The following ADAM12 variants were observed in gnomAD, a reference collection of about 807,000 sequenced individuals.
The protein encoded by ADAM12 is ADAM metallopeptidase domain 12.
ADAM12 carries 70 observed loss-of-function variants against 106.4 expected under a neutral mutation model. That is an observed-to-expected ratio of 0.66 (90% CI 0.54 to 0.80). The LOEUF is 0.80. ADAM12 is among the 30% of genes least tolerant of loss of function. ADAM12 has a pLI of 0.00. For missense variants in ADAM12, 1,010 were observed against 1,171.9 expected, an observed-to-expected ratio of 0.86 and a Z score of 2.02; for synonymous variants, 420 against 433.5, an observed-to-expected ratio of 0.97 and a Z score of 0.39.
rs750526567 is a variant in ADAM12 at position 126,064,836 on chromosome 10, C to T, written c.1579G>A (p.Glu527Lys). ...YCYNGICQTH[E>K]QQCVTLWGPG... Reference sequence around the variant, plus strand: ...CCCCAGAGCGTGACACACTGCTGCTCGTGAGTCTGGCAGATGCCATTGTAG... The same window carrying T: ...CCCCAGAGCGTGACACACTGCTGCTTGTGAGTCTGGCAGATGCCATTGTAG... The change falls in exon 14 of 23, where the codon GAG (glutamate) becomes AAG (lysine). Residue 527 changes from glutamate to lysine, a missense_variant. Physicochemically the swap from Glu to Lys is moderately conservative, Grantham distance 56. This residue lies in a region of ADAM12 where 615 missense variants were observed against 708.5 expected (regional missense o/e 0.87). Transcript: ENST00000448723. The surrounding 1 kb of genome is among the most constrained non-coding windows in gnomAD (Gnocchi z 4.4). 46 of 1,610,390 alleles carry T rather than the reference C, an allele frequency of 2.9e-5. 1 individual carries two copies. The highest frequency in any genetic ancestry group is 1.3e-4 in the African/African-American group (10 of 74,836).
intron 12 of ADAM12, among the ~76,000 whole-genome samples, chr10:126,069,443 C>T (rs1467845170): frequency 6.6e-6 from 1 of 152,202 alleles, no homozygotes; most frequent in Non-Finnish European, 1.5e-5. Flanking sequence ...TTGGTAACTG[C>T]ATGCAAGCAG....
intron 9 of ADAM12, among the ~76,000 whole-genome samples, chr10:126,099,932 T>A (rs569083049): frequency 1.9e-4 from 29 of 152,252 alleles, no homozygotes; most frequent in Admixed American, 3.3e-4. Flanking sequence ...TAAATAAAAA[T>A]TTGTCACTTC....
chr10:126,262,345 C>T (rs927909944), intron 3 of ADAM12, among the ~76,000 whole-genome samples: 3 of 151,970 alleles, frequency 2.0e-5, no homozygotes, highest in Non-Finnish European at 1.5e-5. Flanking sequence ...AAAAAGATGC[C>T]GATTCATCAA....
chr10:126,072,252 G>T (rs947047083), intron 11 of ADAM12, among the ~76,000 whole-genome samples: 1 of 152,062 alleles, frequency 6.6e-6, no homozygotes, highest in Non-Finnish European at 1.5e-5. Flanking sequence ...AAATTCCACG[G>T]TGTGGCAGGG....
chr10:126,168,253 TA>T (rs1187506785), intron 3 of ADAM12, among the ~76,000 whole-genome samples: 1 of 152,184 alleles, frequency 6.6e-6, no homozygotes, highest in African/African-American at 2.4e-5. Context: ...TTCTCAGTAA[TA>T]AAATGTGGAC....
At chr10:126,296,582 T>C (rs1030116589) in intron 2 of ADAM12, among the ~76,000 whole-genome samples, 1 of 152,232 alleles carries the variant, frequency 6.6e-6, no homozygotes, top group Non-Finnish European at 1.5e-5. Flanking sequence ...GACCAGCCTC[T>C]TTCTATATTC....
chr10:126,354,369 G>C (rs895874880), intron 1 of ADAM12, among the ~76,000 whole-genome samples: 2 of 152,120 alleles, frequency 1.3e-5, no homozygotes, highest in South Asian at 4.2e-4. Context: ...CAGCTTTCAA[G>C]TAACTCATAG....
At chr10:126,361,578 T>A (rs1386824148) in intron 1 of ADAM12, among the ~76,000 whole-genome samples, 1 of 152,114 alleles carries the variant, frequency 6.6e-6, no homozygotes, top group Non-Finnish European at 1.5e-5. Flanking sequence ...GTACTAAGCA[T>A]AAAAATAGAC....
At position 126,338,246 on chromosome 10, in the gene ADAM12, A is replaced by T. The variant is rs866250424; in HGVS notation, c.89-7737T>A. ...AAAGTCACTTACAACAGTAACTTAC[A>T]TTTTTTTTTTTTTTTTTTTTTTTTG... On this transcript the variant is annotated intron_variant, in intron 1 of 22. Coordinates refer to ENST00000448723, the MANE Select transcript of ADAM12 (RefSeq NM_001288973.2). 1.1e-3 allele frequency among the ~76,000 whole-genome samples: 102 copies of T among 89,814 alleles called. 1 individual carries two copies. The highest frequency in any genetic ancestry group is 6.5e-3 in the South Asian group (16 of 2,444). 58.9% of individuals were successfully genotyped at this position (89,814 alleles called of 152,430 possible).
intron 2 of ADAM12, among the ~76,000 whole-genome samples, chr10:126,296,208 C>T (rs1191890840): frequency 6.6e-6 from 1 of 152,160 alleles, no homozygotes; most frequent in East Asian, 1.9e-4. Context: ...GTGGTACAAT[C>T]ATGGCTCACT....
intron 3 of ADAM12, among the ~76,000 whole-genome samples, chr10:126,254,018 G>A (rs1284892972): frequency 6.6e-6 from 1 of 152,224 alleles, no homozygotes; most frequent in Non-Finnish European, 1.5e-5. Flanking sequence ...TTCAGTCAGA[G>A]CCATTCAGTG....
chr10:126,113,723 T>TAAA (rs1955925819), intron 6 of ADAM12, among the ~76,000 whole-genome samples: 1 of 33,114 alleles, frequency 3.0e-5, no homozygotes, highest in Non-Finnish European at 4.9e-5. Context: ...TATATATATA[T>TAAA]ATATATATAA....
chr10:126,155,388 G>T (rs1956796778), intron 3 of ADAM12, 83 bp from the exon 4 acceptor site: 2 of 1,257,800 alleles, frequency 1.6e-6, no homozygotes, highest in Non-Finnish European at 2.2e-6. Flanking sequence ...CTATAGGGTA[G>T]CAAGATTGTG....
chr10:126,316,494 C>T (rs550961322), intron 2 of ADAM12, among the ~76,000 whole-genome samples: 16 of 152,160 alleles, frequency 1.1e-4, no homozygotes, highest in African/African-American at 2.6e-4. Context: ...TTGCGCAGGG[C>T]TCAATTTACA....
chr10:126,040,661 A>G (rs551880886), intron 18 of ADAM12, among the ~76,000 whole-genome samples: 10 of 152,330 alleles, frequency 6.6e-5, no homozygotes, highest in African/African-American at 2.2e-4. Context: ...AGTAGTGATC[A>G]CAGGGGGCTC....
At chr10:126,299,011 C>A (rs912015148) in intron 2 of ADAM12, among the ~76,000 whole-genome samples, 31 of 152,260 alleles carry the variant, frequency 2.0e-4, no homozygotes, top group African/African-American at 7.0e-4. Flanking sequence ...ATACTAAGGA[C>A]TTTTCTTCAG....
intron 10 of ADAM12, among the ~76,000 whole-genome samples, chr10:126,096,136 C>T (rs906360408): frequency 2.6e-5 from 4 of 152,200 alleles, no homozygotes; most frequent in African/African-American, 9.6e-5. Flanking sequence ...TTCAGGAAAT[C>T]GGTTCTCGAA....
At chr10:126,251,211 G>A (rs1384658922) in intron 3 of ADAM12, among the ~76,000 whole-genome samples, 5 of 152,272 alleles carry the variant, frequency 3.3e-5, no homozygotes, top group Non-Finnish European at 7.3e-5. Context: ...TCTGGTCCTC[G>A]ACCTTTCTGA....
At chr10:126,048,330 A>G (rs1243994801) in intron 16 of ADAM12, among the ~76,000 whole-genome samples, 1 of 152,216 alleles carries the variant, frequency 6.6e-6, no homozygotes, top group Non-Finnish European at 1.5e-5. Context: ...TAAAAATATC[A>G]GATGTCATTT....
Sources: allele counts gnomAD v4.1 joint callset (sites outside exome capture counted in the v4.1 genomes callset), GRCh38; gene constraint gnomAD v4.1.1; regional missense constraint gnomAD v4.1.1; non-coding constraint Gnocchi (gnomAD v3.1); transcripts MANE v1.5; gene names NCBI Gene and HGNC (gene_info 2026-07-23, HGNC 2026-07-21).